FNDC3B: variants seen among roughly 807,000 people sequenced by gnomAD.
FNDC3B encodes the protein fibronectin type III domain containing 3B.
In FNDC3B, 12 loss-of-function variants were observed where a neutral mutation model predicts 151.5. The observed-to-expected ratio is 0.08, with a 90% CI of 0.05 to 0.13. FNDC3B has a LOEUF of 0.13. Ranked by LOEUF, FNDC3B falls within the 10% of genes least tolerant of loss-of-function variation. FNDC3B has a pLI of 1.00. For synonymous variants in FNDC3B, 528 were observed against 549.0 expected, an observed-to-expected ratio of 0.96 and a Z score of 0.54; for missense variants, 1,214 against 1,505.3, an observed-to-expected ratio of 0.81 and a Z score of 3.20.
chr3:172,378,090 C>A (rs6798409), intron 23 of FNDC3B, among the ~76,000 whole-genome samples, 180 bp from the exon 24 acceptor site: 21,977 of 152,100 alleles, frequency 0.14, 1,809 homozygotes, highest in South Asian at 0.21. Flanking sequence ...TTTCTTTTAT[C>A]AAAACATACA....
chr3:172,176,274 C>CA, intron 3 of FNDC3B, among the ~76,000 whole-genome samples: 1 of 152,118 alleles, frequency 6.6e-6, no homozygotes, highest in Non-Finnish European at 1.5e-5. Context: ...TTACAACCAG[C>CA]AAATTTTAAA....
chr3:172,394,188 A>G (rs1287628501), intron 25 of FNDC3B, among the ~76,000 whole-genome samples: 1 of 151,080 alleles, frequency 6.6e-6, no homozygotes, highest in African/African-American at 2.4e-5. Context: ...ATAAACACCT[A>G]CATCAAAAAG....
At chr3:172,267,048 T>C (rs1728956416) in intron 6 of FNDC3B, among the ~76,000 whole-genome samples, 1 of 152,168 alleles carries the variant, frequency 6.6e-6, no homozygotes, top group Non-Finnish European at 1.5e-5. Flanking sequence ...CATCCAAAGG[T>C]ACAATAGCAG....
At chr3:172,062,188 C>A (rs1031611483) in intron 1 of FNDC3B, among the ~76,000 whole-genome samples, 3 of 152,100 alleles carry the variant, frequency 2.0e-5, no homozygotes, top group South Asian at 2.1e-4. Flanking sequence ...TACCCCTCAG[C>A]CCCCTTGCAG....
At chr3:172,077,927 A>AC (rs1248066655) in intron 1 of FNDC3B, among the ~76,000 whole-genome samples, 1 of 152,178 alleles carries the variant, frequency 6.6e-6, no homozygotes, top group Non-Finnish European at 1.5e-5. Context: ...TTATAACTTT[A>AC]GGTAGACATC....
At chr3:172,228,916 T>C (rs1026914151) in intron 4 of FNDC3B, among the ~76,000 whole-genome samples, 3 of 152,032 alleles carry the variant, frequency 2.0e-5, no homozygotes, top group African/African-American at 7.2e-5. Context: ...GAAAATAGAA[T>C]TGAGAAGCCA....
Position 172,213,630 on chromosome 3 carries a change from C to T in FNDC3B, c.188-13241C>T, listed in dbSNP as rs145680740. On this transcript the variant is annotated intron_variant, in intron 3 of 25. Transcript: ENST00000415807. ...TGATAGTACTATATGCAAAACTCCC[C>T]ATTTTGATGTAGTCTTGTTTTTAGT... Among the ~76,000 whole-genome samples the T allele has an allele frequency of 1.3e-3, 203 of 152,304 alleles. 1 individual carries two copies. Among genetic ancestry groups the T allele is most frequent in the African/African-American group, 4.6e-3 (193 of 41,562 alleles).
chr3:172,078,940 A>G (rs1252421593), intron 1 of FNDC3B, among the ~76,000 whole-genome samples: 1 of 152,230 alleles, frequency 6.6e-6, no homozygotes, highest in Non-Finnish European at 1.5e-5. Flanking sequence ...CTGTTGATAC[A>G]GGTAATAAAG....
At chr3:172,313,356 C>G (rs182272324) in intron 11 of FNDC3B, among the ~76,000 whole-genome samples, 8 of 152,306 alleles carry the variant, frequency 5.3e-5, no homozygotes, top group Middle Eastern at 3.4e-3. Flanking sequence ...TGCTGGGCAG[C>G]TTGACCTCTC....
intron 2 of FNDC3B, among the ~76,000 whole-genome samples, chr3:172,119,398 A>G (rs63221267): frequency 2.9e-5 from 4 of 139,560 alleles, no homozygotes; most frequent in African/African-American, 5.2e-5. Context: ...AAAAAAAAAA[A>G]GGCTGTATTT....
chr3:172,227,860 A>C (rs535139869), intron 4 of FNDC3B, among the ~76,000 whole-genome samples: 2 of 152,254 alleles, frequency 1.3e-5, no homozygotes, highest in African/African-American at 4.8e-5. Context: ...CTGCTTTTAA[A>C]GTGGTTTAAA....
At chr3:172,063,858 C>T (rs149993658) in intron 1 of FNDC3B, among the ~76,000 whole-genome samples, 323 of 152,234 alleles carry the variant, frequency 2.1e-3, no homozygotes, top group African/African-American at 7.4e-3. Context: ...GTCTCTCTCC[C>T]CTCACCAAAT....
intron 1 of FNDC3B, among the ~76,000 whole-genome samples, chr3:172,045,749 A>C (rs1017574216): frequency 2.7e-5 from 4 of 149,360 alleles, no homozygotes; most frequent in Non-Finnish European, 4.4e-5. Flanking sequence ...GAAGCTTTGT[A>C]CTTTAGTTTA....
intron 3 of FNDC3B, among the ~76,000 whole-genome samples, chr3:172,143,232 C>G (rs924197947): frequency 1.3e-5 from 2 of 152,106 alleles, no homozygotes; most frequent in Admixed American, 6.6e-5. Flanking sequence ...TAGTTATTTT[C>G]ACTCTTAGTT....
intron 19 of FNDC3B, among the ~76,000 whole-genome samples, chr3:172,345,489 T>G (rs1733560279): frequency 6.6e-6 from 1 of 152,192 alleles, no homozygotes; most frequent in African/African-American, 2.4e-5. Context: ...ATTAACCATA[T>G]ATATCGCTGT....
intron 23 of FNDC3B, among the ~76,000 whole-genome samples, chr3:172,368,010 G>A (rs1393387296): frequency 6.6e-6 from 1 of 152,182 alleles, no homozygotes; most frequent in Non-Finnish European, 1.5e-5. Flanking sequence ...GAGAGGGACA[G>A]AAAGAATCTG....
chr3:172,197,535 G>A (rs766976684), intron 3 of FNDC3B, among the ~76,000 whole-genome samples: 38 of 152,118 alleles, frequency 2.5e-4, no homozygotes, highest in Non-Finnish European at 4.0e-4. Flanking sequence ...AGGTTTCGGC[G>A]GTGAGCCCCA....
chr3:172,141,087 G>A (rs1576901970), intron 3 of FNDC3B, among the ~76,000 whole-genome samples: 1 of 152,122 alleles, frequency 6.6e-6, no homozygotes, highest in African/African-American at 2.4e-5. Context: ...ATAATCCATT[G>A]TAAGTGTCAT....
At chr3:172,116,107 G>A (rs1428564473) in intron 2 of FNDC3B, among the ~76,000 whole-genome samples, 3 of 152,120 alleles carry the variant, frequency 2.0e-5, no homozygotes, top group African/African-American at 7.2e-5. Flanking sequence ...CAGGTAGGAG[G>A]GAAAGGGCAA....
Sources: allele counts gnomAD v4.1 joint callset (sites outside exome capture counted in the v4.1 genomes callset), GRCh38; gene constraint gnomAD v4.1.1; transcripts MANE v1.5; gene names NCBI Gene and HGNC (gene_info 2026-07-23, HGNC 2026-07-21).